Variants in GRIP1 observed in about 807,000 individuals in gnomAD.
GRIP1 encodes the protein glutamate receptor-interacting protein 1.
GRIP1 carries 45 observed loss-of-function variants against 129.9 expected under a neutral mutation model. That is an observed-to-expected ratio of 0.35 (90% CI 0.27 to 0.44). The LOEUF (loss-of-function observed/expected upper bound fraction) is 0.44. Among genes scored for constraint, GRIP1 ranks in the 20% least tolerant of loss-of-function variants. GRIP1 has a pLI of 1.00. For synonymous variants in GRIP1, 530 were observed against 520.8 expected, an observed-to-expected ratio of 1.02 and a Z score of -0.24; for missense variants, 1,196 against 1,396.8, an observed-to-expected ratio of 0.86 and a Z score of 2.29.
chr12:66,785,657 C>T (rs938398212), intron 1 of GRIP1, among the ~76,000 whole-genome samples: 1 of 151,984 alleles, frequency 6.6e-6, no homozygotes, highest in Non-Finnish European at 1.5e-5. Flanking sequence ...TCTTACTCTG[C>T]CTGAAATTCC....
chr12:66,441,457 C>T (rs963162714), intron 13 of GRIP1, among the ~76,000 whole-genome samples: 2 of 152,122 alleles, frequency 1.3e-5, no homozygotes, highest in African/African-American at 2.4e-5. Flanking sequence ...GGTTATTCCT[C>T]GGTCTTGCTA....
chr12:66,565,505 C>T (rs1280517114), intron 2 of GRIP1, among the ~76,000 whole-genome samples: 6 of 152,142 alleles, frequency 3.9e-5, no homozygotes. Flanking sequence ...GTACCAGTAC[C>T]ATGCTGTTTT....
At chr12:66,827,761 G>A (rs1230227523) in intron 1 of GRIP1, among the ~76,000 whole-genome samples, 1 of 152,112 alleles carries the variant, frequency 6.6e-6, no homozygotes, top group Non-Finnish European at 1.5e-5. Context: ...CCCTACCTCA[G>A]TAAACAAGCA....
chr12:67,037,666 T>C (rs1232010670), intron 1 of GRIP1, among the ~76,000 whole-genome samples: 2 of 152,158 alleles, frequency 1.3e-5, no homozygotes, highest in African/African-American at 4.8e-5. Context: ...TTTCTTTATA[T>C]TAAAAAAGGA....
chr12:66,354,444 A>G (rs1445943068), intron 23 of GRIP1, among the ~76,000 whole-genome samples: 1 of 152,260 alleles, frequency 6.6e-6, no homozygotes, highest in African/African-American at 2.4e-5. Context: ...CCTGCCTTCC[A>G]GAGGCACACA....
intron 1 of GRIP1, among the ~76,000 whole-genome samples, chr12:66,938,495 C>T (rs1185200882): frequency 1.3e-5 from 2 of 152,092 alleles, no homozygotes; most frequent in African/African-American, 4.8e-5. Flanking sequence ...TTCTAAGTGA[C>T]ATATGGAGGC....
chr12:67,066,589 T>TA (rs1394317548), intron 1 of GRIP1, among the ~76,000 whole-genome samples: 7 of 152,156 alleles, frequency 4.6e-5, no homozygotes, highest in African/African-American at 1.7e-4. Flanking sequence ...ACCTTTTGGT[T>TA]AATGTTAATC....
intron 1 of GRIP1, among the ~76,000 whole-genome samples, chr12:66,899,652 AC>A (rs1404013473): frequency 2.0e-5 from 3 of 152,296 alleles, no homozygotes; most frequent in African/African-American, 7.2e-5. Context: ...AGCATGAGCC[AC>A]TGCATCCAAC....
Position 66,371,840 on chromosome 12 carries a change from C to A in GRIP1, c.2866G>T (p.Glu956Ter), listed in dbSNP as rs1347485685. The A allele has an allele frequency of 6.2e-7, 1 of 1,613,936 alleles. No homozygotes were observed. Among genetic ancestry groups the A allele is most frequent in the South Asian group, 1.1e-5 (1 of 91,072 alleles). The change falls in exon 23 of 25, where the codon GAG (glutamate) becomes TAG (stop). Residue 956 changes from glutamate to a stop codon, truncating the protein, a stop_gained. Transcript: ENST00000359742. LOFTEE classifies it high-confidence loss of function. ...TAGTGCGGCCGCGAGCTGCTGCGCT[C>A]CTGGAAGCTGGCCTGTCGCCCCAGC... ...SQLGRQASFQ[E>*]RSSSRPHYSQ...
chr12:66,432,537 CT>C lies in GRIP1; in HGVS notation c.1768+10del, dbSNP rs1474261136. ...TTTAAAAATTATTTAAAAGAAATAA[CT>C]TCTACTTACAACTTATGGTTATTCC... On this transcript the variant is annotated intron_variant, in intron 14 of 24. Transcript: ENST00000359742. 1.3e-6 allele frequency: 2 copies of C among 1,495,792 alleles called. No homozygotes were observed. The highest frequency in any genetic ancestry group is 3.4e-5 in the Admixed American group (2 of 59,658). The allele number at this position is 1,495,792 out of a possible 1,614,324, so 92.7% of individuals were successfully genotyped here.
At chr12:66,351,383 C>T (rs1270777279) in intron 24 of GRIP1, among the ~76,000 whole-genome samples, 2 of 152,096 alleles carry the variant, frequency 1.3e-5, no homozygotes, top group Non-Finnish European at 2.9e-5. Flanking sequence ...TATACCTGAC[C>T]TCAATGTTAC....
At chr12:66,653,629 T>C (rs2032953789) in intron 1 of GRIP1, among the ~76,000 whole-genome samples, 1 of 152,186 alleles carries the variant, frequency 6.6e-6, no homozygotes, top group African/African-American at 2.4e-5. Flanking sequence ...CACACTAGAC[T>C]AGGAAGAAAC....
intron 1 of GRIP1, among the ~76,000 whole-genome samples, chr12:66,882,929 C>A (rs1442992821): frequency 6.6e-6 from 1 of 152,114 alleles, no homozygotes; most frequent in Non-Finnish European, 1.5e-5. Flanking sequence ...CAAAGAGACA[C>A]CTTTAGTGGA....
chr12:66,906,836 T>C (rs1328571916), intron 1 of GRIP1, among the ~76,000 whole-genome samples: 1 of 152,236 alleles, frequency 6.6e-6, no homozygotes. Flanking sequence ...TTTAACTTTT[T>C]ATTTTAAAGT....
intron 19 of GRIP1, among the ~76,000 whole-genome samples, chr12:66,391,318 G>A (rs988844537): frequency 1.9e-4 from 29 of 152,210 alleles, no homozygotes; most frequent in Non-Finnish European, 4.4e-5. Flanking sequence ...CTCAGATGAG[G>A]AGAAATACCA....
At chr12:67,021,011 T>C (rs955592741) in intron 1 of GRIP1, among the ~76,000 whole-genome samples, 6 of 152,028 alleles carry the variant, frequency 3.9e-5, no homozygotes, top group South Asian at 4.2e-4. Flanking sequence ...AAGAGGAAGA[T>C]TGCTTCAGCC....
chr12:66,846,720 T>C (rs1049479996), intron 1 of GRIP1, among the ~76,000 whole-genome samples: 5 of 152,158 alleles, frequency 3.3e-5, no homozygotes, highest in South Asian at 2.1e-4. Context: ...CTCAATAACA[T>C]TGTAGTTTTT....
At chr12:67,058,337 T>C (rs1356419955) in intron 1 of GRIP1, among the ~76,000 whole-genome samples, 2 of 152,200 alleles carry the variant, frequency 1.3e-5, no homozygotes, top group Admixed American at 1.3e-4. Context: ...AGATTTTCAA[T>C]TGTCTATATT....
intron 15 of GRIP1, among the ~76,000 whole-genome samples, chr12:66,408,221 G>A (rs1053785430): frequency 3.3e-5 from 5 of 152,182 alleles, no homozygotes; most frequent in African/African-American, 1.2e-4. Context: ...GCTCATGCCT[G>A]TAATCCCAGC....
Sources: gnomAD v4.1 joint callset for allele counts (sites outside exome capture counted in the v4.1 genomes callset) on GRCh38, gnomAD v4.1.1 for gene constraint, MANE v1.5 for transcripts, NCBI Gene and HGNC (gene_info 2026-07-23, HGNC 2026-07-21) for gene names.